ETV1: variants seen among roughly 807,000 people sequenced by gnomAD.
ETV1 encodes the protein ETS translocation variant 1.
A neutral mutation model predicts 62.3 loss-of-function variants in ETV1; 27 were observed. The observed-to-expected ratio is 0.43, with a 90% CI of 0.32 to 0.60. The LOEUF is 0.60. ETV1 is among the 20% of genes least tolerant of loss of function. The pLI, the probability that ETV1 is intolerant of heterozygous loss-of-function variation, is 0.06. For missense variants in ETV1, 605 were observed against 605.8 expected, an observed-to-expected ratio of 1.00 and a Z score of 0.01; for synonymous variants, 222 against 199.6, an observed-to-expected ratio of 1.11 and a Z score of -0.94.
intron 6 of ETV1, among the ~76,000 whole-genome samples, chr7:13,969,777 T>G (rs749286656): frequency 1.3e-5 from 2 of 152,178 alleles, no homozygotes; most frequent in Non-Finnish European, 2.9e-5. Flanking sequence ...TTTTCTATCT[T>G]CATAGGACAA....
At chr7:13,985,806 C>A (rs1782495739) in intron 5 of ETV1, among the ~76,000 whole-genome samples, 1 of 152,062 alleles carries the variant, frequency 6.6e-6, no homozygotes, top group Non-Finnish European at 1.5e-5. Flanking sequence ...CAACAGAAGT[C>A]CCTCAACATT....
intron 9 of ETV1, among the ~76,000 whole-genome samples, chr7:13,921,837 A>T (rs74390873): frequency 0.098 from 14,952 of 152,174 alleles, 1,267 homozygotes; most frequent in African/African-American, 0.23. Context: ...CCAAAGAGTG[A>T]ACGTATACCG....
intron 9 of ETV1, among the ~76,000 whole-genome samples, chr7:13,927,145 T>C (rs1293548883): frequency 6.6e-6 from 1 of 152,186 alleles, no homozygotes; most frequent in Non-Finnish European, 1.5e-5. Flanking sequence ...CTGAGTTAAC[T>C]GACTTAGAAA....
At chr7:13,973,162 T>G (rs1016447824) in intron 6 of ETV1, among the ~76,000 whole-genome samples, 5 of 152,366 alleles carry the variant, frequency 3.3e-5, no homozygotes, top group African/African-American at 1.2e-4. Context: ...AAATGCATGT[T>G]CTATAATCCA....
chr7:13,943,874 A>G (rs1787850544), intron 6 of ETV1, among the ~76,000 whole-genome samples: 1 of 152,194 alleles, frequency 6.6e-6, no homozygotes, highest in Admixed American at 6.5e-5. Context: ...ATAAAGTTTA[A>G]AAAACTCTGA....
chr7:13,986,251 T>A (rs952057569), intron 5 of ETV1: 1 of 1,533,284 alleles, frequency 6.5e-7, no homozygotes, highest in Non-Finnish European at 8.7e-7. Context: ...AATAATGATA[T>A]GCGCTGCTCT....
chr7:13,965,107 A>G (rs1790631315), intron 6 of ETV1, among the ~76,000 whole-genome samples: 1 of 152,224 alleles, frequency 6.6e-6, no homozygotes, highest in South Asian at 2.1e-4. Context: ...TCCAGTGAGA[A>G]AAATACACCA....
intron 6 of ETV1, chr7:13,959,060 T>C (rs1004185255): frequency 4.7e-5 from 7 of 148,258 alleles, no homozygotes; most frequent in Admixed American, 4.7e-4. Context: ...AAAAAAAAAC[T>C]ATAGAATTTA....
At chr7:13,944,915 T>C (rs1039856546) in intron 6 of ETV1, among the ~76,000 whole-genome samples, 9 of 152,050 alleles carry the variant, frequency 5.9e-5, no homozygotes, top group African/African-American at 2.2e-4. Flanking sequence ...AATGAGGGCA[T>C]AGGTAAGAGT....
chr7:13,935,654 T>C, intron 8 of ETV1, 54 bp downstream of exon 8: 2 of 1,504,816 alleles, frequency 1.3e-6, no homozygotes, highest in Non-Finnish European at 1.8e-6. Flanking sequence ...TTAATAGAAA[T>C]TTTTTCCAAG....
chr7:13,898,483 C>T (rs988417393), intron 13 of ETV1, among the ~76,000 whole-genome samples: 7 of 152,048 alleles, frequency 4.6e-5, no homozygotes, highest in African/African-American at 7.2e-5. Flanking sequence ...TAGGCATTTC[C>T]TAATTTTGAA....
At position 13,891,806 on chromosome 7, in the gene ETV1, T is replaced by C. The variant is rs1781399700; in HGVS notation, c.*4060A>G. The C allele has an allele frequency of 4.3e-6, 1 of 231,802 alleles. No homozygotes were observed. Among genetic ancestry groups the C allele is most frequent in the Non-Finnish European group, 8.5e-6 (1 of 117,254 alleles). 14.4% of individuals were successfully genotyped at this position (231,802 alleles called of 1,614,324 possible). On this transcript the variant is annotated 3_prime_UTR_variant, in exon 14 of 14. Coordinates refer to ENST00000430479, the MANE Select transcript of ETV1 (RefSeq NM_004956.5). ...TACCCAATTTGTATTTTTTTAATAA[T>C]TCTATTTCCTCTCTTCTCCATACCA...
chr7:13,933,163 C>A (rs1319488403), intron 8 of ETV1, among the ~76,000 whole-genome samples: 1 of 152,194 alleles, frequency 6.6e-6, no homozygotes, highest in East Asian at 1.9e-4. Flanking sequence ...AACTGGCTCA[C>A]TTGTGAAGCC....
chr7:13,988,240 GCGCACA>G, intron 3 of ETV1, 67 bp from the exon 4 acceptor site: 1 of 878,148 alleles, frequency 1.1e-6, no homozygotes. Context: ...GCACACGCGC[GCGCACA>G]CACACACACA....
chr7:13,989,815 G>C (rs1782884628), upstream of ETV1: 2 of 387,720 alleles, frequency 5.2e-6, no homozygotes, highest in South Asian at 2.9e-4. Flanking sequence ...GCCCCTTCCC[G>C]CGGGTCTCCC....
intron 9 of ETV1, among the ~76,000 whole-genome samples, chr7:13,923,903 C>T (rs551758484): frequency 2.0e-5 from 3 of 151,960 alleles, no homozygotes; most frequent in East Asian, 3.9e-4. Context: ...ATGGTGGTGG[C>T]GCACGCCTGT....
At chr7:13,966,934 AC>A in intron 6 of ETV1, among the ~76,000 whole-genome samples, 1 of 152,146 alleles carries the variant, frequency 6.6e-6, no homozygotes, top group African/African-American at 2.4e-5. Context: ...GACTCAAAAC[AC>A]ATTTGTTGAA....
At chr7:13,908,083 T>A (rs1783160864) in intron 11 of ETV1, among the ~76,000 whole-genome samples, 1 of 152,190 alleles carries the variant, frequency 6.6e-6, no homozygotes, top group Non-Finnish European at 1.5e-5. Flanking sequence ...ATATTGCTTC[T>A]GCCTATAAAT....
At chr7:13,984,235 A>C (rs1782303458) in intron 5 of ETV1, among the ~76,000 whole-genome samples, 1 of 152,010 alleles carries the variant, frequency 6.6e-6, no homozygotes, top group African/African-American at 2.4e-5. Context: ...AAGATGTCTT[A>C]AAATTCCATG....
Sources: gnomAD v4.1 joint callset for allele counts (sites outside exome capture counted in the v4.1 genomes callset) on GRCh38, gnomAD v4.1.1 for gene constraint, MANE v1.5 for transcripts, NCBI Gene and HGNC (gene_info 2026-07-23, HGNC 2026-07-21) for gene names.